Variants in NOX4 observed in about 807,000 individuals in gnomAD.
NOX4 encodes the protein kidney oxidase-1.
NOX4 carries 69 observed loss-of-function variants against 87.6 expected under a neutral mutation model. The observed-to-expected ratio is 0.79, with a 90% CI of 0.65 to 0.96. The LOEUF is 0.96. Ranked by LOEUF, NOX4 falls within the 40% of genes least tolerant of loss-of-function variation. The pLI is 0.00. For missense variants in NOX4, 680 were observed against 681.5 expected, an observed-to-expected ratio of 1.00 and a Z score of 0.02; for synonymous variants, 275 against 238.2, an observed-to-expected ratio of 1.15 and a Z score of -1.42.
At chr11:89,507,564 G>A in the NOX4 span, among the ~76,000 whole-genome samples, 1 of 151,642 alleles carries the variant, frequency 6.6e-6, no homozygotes, top group Non-Finnish European at 1.5e-5. Flanking sequence ...AACTATGTGT[G>A]TGTATATAGG....
At chr11:89,577,987 G>A in the NOX4 span, among the ~76,000 whole-genome samples, 22 of 152,110 alleles carry the variant, frequency 1.4e-4, no homozygotes, top group South Asian at 2.5e-3. Flanking sequence ...GTGGAACTCT[G>A]CATGGTGAGG....
At chr11:89,396,339 T>C (rs1476752708) in intron 11 of NOX4, among the ~76,000 whole-genome samples, 1 of 152,178 alleles carries the variant, frequency 6.6e-6, no homozygotes, top group Non-Finnish European at 1.5e-5. Flanking sequence ...GTTTATGATT[T>C]TTGCACATTG....
the NOX4 span, among the ~76,000 whole-genome samples, chr11:89,527,164 G>A: frequency 6.6e-6 from 1 of 152,102 alleles, no homozygotes; most frequent in Admixed American, 6.6e-5. Flanking sequence ...AGATGATTTA[G>A]GGTATCTGGT....
the NOX4 span, among the ~76,000 whole-genome samples, chr11:89,546,926 T>C: frequency 2.6e-5 from 4 of 152,200 alleles, no homozygotes; most frequent in South Asian, 2.1e-4. Flanking sequence ...ACACAAACTT[T>C]GGAGGAAACG....
At chr11:89,477,504 G>C (rs1403972382) in intron 2 of NOX4, among the ~76,000 whole-genome samples, 1 of 152,022 alleles carries the variant, frequency 6.6e-6, no homozygotes, top group Non-Finnish European at 1.5e-5. Context: ...TGTGGCTTGG[G>C]GACTGGGGAC....
intron 2 of NOX4, among the ~76,000 whole-genome samples, chr11:89,458,726 G>C (rs1179517703): frequency 1.3e-5 from 2 of 152,112 alleles, no homozygotes; most frequent in Non-Finnish European, 2.9e-5. Context: ...CTAATTATTA[G>C]AGAAATGCAA....
At chr11:89,442,012 A>T (rs1347929028) in intron 5 of NOX4, among the ~76,000 whole-genome samples, 1 of 148,210 alleles carries the variant, frequency 6.7e-6, no homozygotes, top group Non-Finnish European at 1.5e-5. Context: ...TATAATCTAT[A>T]TATAATAGAT....
upstream of NOX4, among the ~76,000 whole-genome samples, chr11:89,491,834 C>T (rs1468720804): frequency 6.6e-6 from 1 of 151,480 alleles, no homozygotes; most frequent in South Asian, 2.1e-4. Flanking sequence ...GCCTTGGTAA[C>T]GAAATTTGAG....
chr11:89,552,525 T>C, the NOX4 span, among the ~76,000 whole-genome samples: 1 of 152,132 alleles, frequency 6.6e-6, no homozygotes. Context: ...ATCTGCCCAC[T>C]CCCATTTGTC....
At chr11:89,398,469 C>A (rs1232319294) in intron 11 of NOX4, among the ~76,000 whole-genome samples, 1 of 151,810 alleles carries the variant, frequency 6.6e-6, no homozygotes, top group Non-Finnish European at 1.5e-5. Context: ...CTGGCCAGGG[C>A]AATCTGAAGT....
chr11:89,511,411 C>A, the NOX4 span, among the ~76,000 whole-genome samples: 1 of 151,808 alleles, frequency 6.6e-6, no homozygotes, highest in Non-Finnish European at 1.5e-5. Flanking sequence ...TTACTCTTCC[C>A]CCTATCCTCT....
At chr11:89,341,156 T>C (rs1182729626) in intron 14 of NOX4, among the ~76,000 whole-genome samples, 9 of 136,718 alleles carry the variant, frequency 6.6e-5, no homozygotes, top group African/African-American at 2.6e-4. Flanking sequence ...AGAGTCTCGC[T>C]CTGTCACCGA....
At chr11:89,474,145 T>G (rs1009253587) in intron 2 of NOX4, among the ~76,000 whole-genome samples, 26 of 152,112 alleles carry the variant, frequency 1.7e-4, no homozygotes, top group African/African-American at 5.6e-4. Context: ...CACAATTACT[T>G]TTGCGCCAAC....
chr11:89,398,692 T>C (rs1378016811), intron 11 of NOX4, among the ~76,000 whole-genome samples: 1 of 151,300 alleles, frequency 6.6e-6, no homozygotes, highest in African/African-American at 2.4e-5. Context: ...ATACATACCA[T>C]ATATATAAAA....
intron 2 of NOX4, among the ~76,000 whole-genome samples, chr11:89,466,535 T>C (rs1473190266): frequency 2.0e-5 from 3 of 152,186 alleles, no homozygotes; most frequent in African/African-American, 4.8e-5. Context: ...GGTCTGTACT[T>C]TTAAAGTAAG....
rs149699433 is a variant in NOX4, at chr11:89,403,274, C to T, written c.630-732G>A. ...TTGTCAAGAAGTGGTTAACATCTAC[C>T]TAGTAGGGATAATCCATAAAATGAC... On this transcript the variant is annotated intron_variant, in intron 8 of 17. Coordinates refer to ENST00000263317, the MANE Select transcript of NOX4 (RefSeq NM_016931.5). Among the ~76,000 whole-genome samples the T allele has an allele frequency of 3.9e-5, 6 of 152,206 alleles. No individual in the cohort carries two copies. The East Asian group carries it at 1.2e-3, about 29-fold the overall frequency.
chr11:89,420,042 T>C (rs193110138), intron 8 of NOX4, among the ~76,000 whole-genome samples: 6 of 152,162 alleles, frequency 3.9e-5, no homozygotes, highest in African/African-American at 1.4e-4. Flanking sequence ...AATACTAACA[T>C]CAAATTCTCA....
intron 2 of NOX4, among the ~76,000 whole-genome samples, chr11:89,469,092 G>A (rs896467942): frequency 8.5e-5 from 13 of 152,052 alleles, no homozygotes; most frequent in African/African-American, 2.9e-4. Context: ...CTATTAAAAT[G>A]TACCAAATCC....
chr11:89,489,372 A>C (rs1946757235), intron 2 of NOX4, among the ~76,000 whole-genome samples: 1 of 152,084 alleles, frequency 6.6e-6, no homozygotes, highest in South Asian at 2.1e-4. Flanking sequence ...AAAATGCAAA[A>C]TCTATTTTTT....
Sources: allele counts gnomAD v4.1 joint callset (sites outside exome capture counted in the v4.1 genomes callset), GRCh38; gene constraint gnomAD v4.1.1; transcripts MANE v1.5; gene names NCBI Gene and HGNC (gene_info 2026-07-23, HGNC 2026-07-21).